EIF3E: variants seen among roughly 807,000 people sequenced by gnomAD.
The protein encoded by EIF3E is eIF-3 p48.
Under a neutral mutation model 59.3 loss-of-function variants are expected in EIF3E, and 25 were observed. That is an observed-to-expected ratio of 0.42 (90% CI 0.31 to 0.59). EIF3E has a LOEUF of 0.59. EIF3E is among the 20% of genes least tolerant of loss of function. The probability of loss-of-function intolerance (pLI) is 0.15; values close to 1 mark genes in which losing one functional copy is unlikely to be tolerated. For synonymous variants in EIF3E, 176 were observed against 170.2 expected (o/e 1.03, Z -0.26); for missense variants, 317 against 534.3 (o/e 0.59, Z 4.01).
At chr8:108,214,274 C>T (rs1478630720) in intron 10 of EIF3E, among the ~76,000 whole-genome samples, 3 of 152,144 alleles carry the variant, frequency 2.0e-5, no homozygotes, top group Admixed American at 6.5e-5. Flanking sequence ...CTCCTTTGTA[C>T]TGTTGTTGAA....
chr8:108,216,212 CCATTTT>C (rs1433019745), intron 9 of EIF3E, among the ~76,000 whole-genome samples, 194 bp downstream of exon 9: 1 of 152,116 alleles, frequency 6.6e-6, no homozygotes, highest in Non-Finnish European at 1.5e-5. Context: ...TAGCACATTC[CCATTTT>C]AAGATTAATA....
intron 3 of EIF3E, among the ~76,000 whole-genome samples, chr8:108,237,060 G>C (rs190174896): frequency 1.3e-5 from 2 of 151,998 alleles, no homozygotes; most frequent in Non-Finnish European, 2.9e-5. Context: ...AATCATGTCC[G>C]ATATACATGA....
At chr8:108,216,382 A>G (rs1046726086) in intron 9 of EIF3E, 30 bp downstream of exon 9, 1 of 1,519,150 alleles carries the variant, frequency 6.6e-7, no homozygotes, top group African/African-American at 1.4e-5. Flanking sequence ...TAAGAATAGT[A>G]TTAGTTTATA....
At chr8:108,228,240 C>A in intron 7 of EIF3E, 27 bp downstream of exon 7, 6 of 1,540,102 alleles carry the variant, frequency 3.9e-6, no homozygotes, top group South Asian at 1.3e-5. Flanking sequence ...CTAAACAAAG[C>A]CAAAATTACA....
rs546953480 is a variant in EIF3E at position 108,201,687 on chromosome 8, A to C, written c.*198T>G. The stretch of plus-strand genomic sequence containing the variant: ...AAATTCCTCTGAATATAATTATTCC[A>C]AAAAAGAAAGTTAAAAAAACACAAA... On this transcript the variant is annotated 3_prime_UTR_variant, in exon 13 of 13. Coordinates refer to ENST00000220849, the MANE Select transcript of EIF3E (RefSeq NM_001568.3). The C allele has an allele frequency of 6.2e-6, 3 of 482,356 alleles. No homozygotes were observed. The highest frequency in any genetic ancestry group is 6.1e-5 in the African/African-American group (3 of 49,220). 29.9% of individuals were successfully genotyped at this position (482,356 alleles called of 1,614,324 possible).
chr8:108,237,548 G>A (rs1050974298), intron 3 of EIF3E, among the ~76,000 whole-genome samples: 4 of 152,154 alleles, frequency 2.6e-5, no homozygotes, highest in African/African-American at 9.7e-5. Context: ...TACTGCACCT[G>A]ACTGCATTTT....
chr8:108,248,102 G>C (rs7825769), intron 1 of EIF3E, among the ~76,000 whole-genome samples: 3,135 of 151,436 alleles, frequency 0.021, 120 homozygotes, highest in African/African-American at 0.072. Context: ...ACCAAGACAA[G>C]AAAACGCAAA....
intron 7 of EIF3E, among the ~76,000 whole-genome samples, chr8:108,219,836 A>G (rs1162503857): frequency 3.3e-5 from 5 of 152,052 alleles, no homozygotes; most frequent in Non-Finnish European, 7.4e-5. Context: ...CCTGCCTCAA[A>G]AAAAGAAAGA....
intron 5 of EIF3E, among the ~76,000 whole-genome samples, chr8:108,231,627 T>C (rs1215103905): frequency 2.0e-5 from 3 of 152,134 alleles, no homozygotes; most frequent in Non-Finnish European, 4.4e-5. Context: ...ATGGGGTATA[T>C]TATGGAGCCA....
intron 10 of EIF3E, among the ~76,000 whole-genome samples, chr8:108,208,828 T>G (rs562070163): frequency 2.6e-4 from 40 of 152,226 alleles, no homozygotes; most frequent in Non-Finnish European, 4.9e-4. Context: ...GTCCAAGAAT[T>G]ATTTTAGAAC....
At chr8:108,225,093 GAAAC>G (rs1815494503) in intron 7 of EIF3E, among the ~76,000 whole-genome samples, 1 of 151,544 alleles carries the variant, frequency 6.6e-6, no homozygotes, top group East Asian at 1.9e-4. Context: ...GTGCAACTGA[GAAAC>G]AAGATGAACC....
chr8:108,239,650 C>T (rs983158706), intron 3 of EIF3E, among the ~76,000 whole-genome samples: 1 of 151,932 alleles, frequency 6.6e-6, no homozygotes, highest in East Asian at 1.9e-4. Flanking sequence ...GTTATGACAA[C>T]CAAAAAGTAT....
chr8:108,206,301 G>A (rs1228011868), intron 10 of EIF3E, among the ~76,000 whole-genome samples: 1 of 151,274 alleles, frequency 6.6e-6, no homozygotes, highest in Non-Finnish European at 1.5e-5. Flanking sequence ...TTCCAGCATG[G>A]GCAACAAAGT....
At chr8:108,232,831 T>C (rs951715274) in intron 5 of EIF3E, among the ~76,000 whole-genome samples, 1 of 152,200 alleles carries the variant, frequency 6.6e-6, no homozygotes, top group African/African-American at 2.4e-5. Flanking sequence ...TAAGTTTCCA[T>C]GTCTTAGCAA....
intron 7 of EIF3E, among the ~76,000 whole-genome samples, chr8:108,222,828 GT>G (rs11320166): frequency 0.049 from 6,529 of 134,242 alleles, 376 homozygotes; most frequent in African/African-American, 0.14. Context: ...AATTTTCTTA[GT>G]TTTTTTTTTT....
At chr8:108,206,195 C>T (rs924864356) in intron 10 of EIF3E, among the ~76,000 whole-genome samples, 18 of 152,024 alleles carry the variant, frequency 1.2e-4, no homozygotes, top group African/African-American at 4.4e-4. Context: ...CCTCTGTTGC[C>T]AGCCTTTACA....
intron 10 of EIF3E, among the ~76,000 whole-genome samples, chr8:108,207,132 GA>G (rs546358457): frequency 1.3e-5 from 2 of 152,136 alleles, no homozygotes; most frequent in Non-Finnish European, 2.9e-5. Context: ...CACTCTGACT[GA>G]ATTAAAGAAT....
At chr8:108,219,172 T>C (rs762420619) in intron 7 of EIF3E, among the ~76,000 whole-genome samples, 1 of 152,232 alleles carries the variant, frequency 6.6e-6, no homozygotes, top group Non-Finnish European at 1.5e-5. Context: ...ATAAGTTTGT[T>C]GTATAGTGTG....
chr8:108,223,721 C>T (rs1285259737), intron 7 of EIF3E, among the ~76,000 whole-genome samples: 1 of 151,750 alleles, frequency 6.6e-6, no homozygotes, highest in Non-Finnish European at 1.5e-5. Context: ...TATCTTACAC[C>T]TGCCACCTTA....
Sources: allele counts gnomAD v4.1 joint callset (sites outside exome capture counted in the v4.1 genomes callset), GRCh38; gene constraint gnomAD v4.1.1; transcripts MANE v1.5; gene names NCBI Gene and HGNC (gene_info 2026-07-23, HGNC 2026-07-21).